The following SH3PXD2A variants were observed in gnomAD, a reference collection of about 807,000 sequenced individuals.
SH3PXD2A encodes SH3 and PX domain-containing protein 2A.
A neutral mutation model predicts 115.2 loss-of-function variants in SH3PXD2A; 32 were observed. That is an observed-to-expected ratio of 0.28 (90% CI 0.21 to 0.37). The LOEUF is 0.37. Among genes scored for constraint, SH3PXD2A ranks in the 10% least tolerant of loss-of-function variants. The pLI is 1.00. For missense variants in SH3PXD2A, 1,328 were observed against 1,498.7 expected (o/e 0.89, Z 1.88); for synonymous variants, 610 against 629.1 (o/e 0.97, Z 0.45).
intron 1 of SH3PXD2A, among the ~76,000 whole-genome samples, chr10:103,835,291 C>T (rs2039526050): frequency 6.6e-6 from 1 of 152,248 alleles, no homozygotes; most frequent in African/African-American, 2.4e-5. Context: ...CTGACGTGAG[C>T]TCGCAGGGGT....
chr10:103,716,781 C>A (rs1280107530), intron 5 of SH3PXD2A, among the ~76,000 whole-genome samples: 1 of 152,230 alleles, frequency 6.6e-6, no homozygotes, highest in East Asian at 1.9e-4. Context: ...GGCATGTGTG[C>A]CCACCCTGCC....
intron 5 of SH3PXD2A, among the ~76,000 whole-genome samples, chr10:103,701,104 CTACCATCCAGCCATCCAT>C (rs1221177528): frequency 0.033 from 1,145 of 34,776 alleles, 207 homozygotes; most frequent in African/African-American, 0.15. Flanking sequence ...ATCTATCCAT[CTACCATCCAGCCATCCAT>C]CATCCATCCA....
chr10:103,797,156 G>A (rs968045026), intron 2 of SH3PXD2A, among the ~76,000 whole-genome samples: 2 of 152,042 alleles, frequency 1.3e-5, no homozygotes, highest in Non-Finnish European at 2.9e-5. Context: ...GAACCACCAC[G>A]CCCAGTGCCC....
intron 6 of SH3PXD2A, among the ~76,000 whole-genome samples, chr10:103,687,191 C>T (rs564320221): frequency 2.0e-5 from 3 of 152,278 alleles, no homozygotes; most frequent in East Asian, 1.9e-4. Context: ...ATTTCATCTG[C>T]GGACAGCAGC....
chr10:103,723,639 T>C (rs968820632), intron 5 of SH3PXD2A, among the ~76,000 whole-genome samples: 1 of 152,154 alleles, frequency 6.6e-6, no homozygotes, highest in Non-Finnish European at 1.5e-5. Context: ...TAGGTTCAGG[T>C]TTTGTCCTGT....
chr10:103,610,155 G>A (rs112238879), intron 13 of SH3PXD2A: 2,605 of 152,452 alleles, frequency 0.017, 37 homozygotes, highest in Middle Eastern at 0.027. Context: ...GTGAGTGAGG[G>A]GTGGGAGGAA....
At chr10:103,738,191 C>G (rs1297085509) in intron 3 of SH3PXD2A, among the ~76,000 whole-genome samples, 1 of 152,194 alleles carries the variant, frequency 6.6e-6, no homozygotes, top group Non-Finnish European at 1.5e-5. Context: ...GCGGCTCTGC[C>G]CTGCGTCCCT....
At chr10:103,846,648 G>C (rs1226989837) in intron 1 of SH3PXD2A, among the ~76,000 whole-genome samples, 1 of 152,224 alleles carries the variant, frequency 6.6e-6, no homozygotes, top group Non-Finnish European at 1.5e-5. Flanking sequence ...GCTCTGCAAG[G>C]CAAGCCTGAA....
At chr10:103,776,921 A>G (rs2038886193) in intron 2 of SH3PXD2A, among the ~76,000 whole-genome samples, 1 of 152,332 alleles carries the variant, frequency 6.6e-6, no homozygotes, top group Non-Finnish European at 1.5e-5. Flanking sequence ...ATACATAAAA[A>G]CTTCAACCCA....
chr10:103,787,632 G>GCCTCCGCCAGGGCTGC (rs1232453674), intron 2 of SH3PXD2A, among the ~76,000 whole-genome samples: 1 of 152,182 alleles, frequency 6.6e-6, no homozygotes, highest in Non-Finnish European at 1.5e-5. Context: ...AGGCAGGCTG[G>GCCTCCGCCAGGGCTGC]CCTCCGCCAG....
At chr10:103,788,291 C>A (rs1169226463) in intron 2 of SH3PXD2A, among the ~76,000 whole-genome samples, 1 of 152,140 alleles carries the variant, frequency 6.6e-6, no homozygotes, top group Non-Finnish European at 1.5e-5. Flanking sequence ...GAGGGTAACT[C>A]AGGTTCACAC....
chr10:103,622,312 C>T (rs987641360), intron 10 of SH3PXD2A, among the ~76,000 whole-genome samples, 158 bp downstream of exon 10: 1 of 152,202 alleles, frequency 6.6e-6, no homozygotes, highest in Non-Finnish European at 1.5e-5. Context: ...AGCAGGCCCA[C>T]CCCACACCAG....
At chr10:103,713,677 G>A in intron 5 of SH3PXD2A, among the ~76,000 whole-genome samples, 1 of 152,212 alleles carries the variant, frequency 6.6e-6, no homozygotes, top group East Asian at 1.9e-4. Flanking sequence ...TGCTGCGCAA[G>A]GCCCTGCACC....
At chr10:103,838,745 C>T (rs889690063) in intron 1 of SH3PXD2A, among the ~76,000 whole-genome samples, 4 of 152,212 alleles carry the variant, frequency 2.6e-5, no homozygotes, top group Admixed American at 2.0e-4. Context: ...TACCAGGCAT[C>T]GGTGTGCCCA....
chr10:103,607,027 C>T (rs1165648093), intron 13 of SH3PXD2A, among the ~76,000 whole-genome samples: 2 of 150,492 alleles, frequency 1.3e-5, no homozygotes, highest in East Asian at 2.0e-4. Context: ...TCTGCCCGGC[C>T]GCCATCCCAT....
rs1341449107 is a variant in SH3PXD2A, at chr10:103,622,541, C to T, written c.731G>A (p.Arg244His). 6.5e-6 allele frequency: 10 copies of T among 1,549,784 alleles called. No individual in the cohort carries two copies. The highest frequency in any genetic ancestry group is 2.0e-5 in the Admixed American group (1 of 50,974). ...ATCCAGGCGCCGCAGATGGGCCTTGCGTCTCTTGGACACTGGTGTGGGAGA... is the reference window on the plus strand; with the variant it reads ...ATCCAGGCGCCGCAGATGGGCCTTGTGTCTCTTGGACACTGGTGTGGGAGA... ...TSKTGEVSKR[R>H]KAHLRRLDRR... Residue 244 changes from arginine to histidine, a missense_variant, in exon 10 of 15, where the codon CGC becomes CAC. Transcript: ENST00000369774.
chr10:103,849,355 A>G (rs2134328608), intron 1 of SH3PXD2A, among the ~76,000 whole-genome samples: 1 of 152,342 alleles, frequency 6.6e-6, no homozygotes, highest in East Asian at 1.9e-4. Flanking sequence ...GGTTGTTATG[A>G]GGTTCAAGTA....
At position 103,611,649 on chromosome 10, in the gene SH3PXD2A, C is replaced by T. The variant is rs1383709302; in HGVS notation, c.1259-19G>A. 6.2e-7 allele frequency: 1 copy of T among 1,610,674 alleles called. No individual in the cohort carries two copies. The highest frequency in any genetic ancestry group is 1.3e-5 in the African/African-American group (1 of 74,858). The stretch of plus-strand genomic sequence containing the variant: ...GGGGAGCCTAGAGGAAGAGACATGG[C>T]TTCAGAAATCCTAGTCAGACGATGG... On this transcript the variant is annotated intron_variant, in intron 12 of 14. Transcript: ENST00000369774.
At chr10:103,613,886 T>A (rs564220097) in intron 11 of SH3PXD2A, among the ~76,000 whole-genome samples, 1 of 152,218 alleles carries the variant, frequency 6.6e-6, no homozygotes, top group African/African-American at 2.4e-5. Context: ...AGTAGGTGGA[T>A]CCTCTATAGA....
Sources: gnomAD v4.1 joint callset for allele counts (sites outside exome capture counted in the v4.1 genomes callset) on GRCh38, gnomAD v4.1.1 for gene constraint, MANE v1.5 for transcripts, NCBI Gene and HGNC (gene_info 2026-07-23, HGNC 2026-07-21) for gene names.